DENND10: variants seen among roughly 807,000 people sequenced by gnomAD.
DENND10 encodes the protein DENN domain containing 10, also known as DENN domain-containing protein 10.
A neutral mutation model predicts 43.6 loss-of-function variants in DENND10; 24 were observed. The observed-to-expected ratio is 0.55, with a 90% CI of 0.40 to 0.77. DENND10 has a LOEUF of 0.77. Ranked by LOEUF, DENND10 falls within the 30% of genes least tolerant of loss-of-function variation. The pLI, the probability that DENND10 is intolerant of heterozygous loss-of-function variation, is 0.00. For missense variants in DENND10, 303 were observed against 429.9 expected (o/e 0.70, Z 2.61); for synonymous variants, 125 against 157.6 (o/e 0.79, Z 1.55).
At chr10:119,111,597 G>A (rs185701667) in intron 2 of DENND10, among the ~76,000 whole-genome samples, 10 of 150,712 alleles carry the variant, frequency 6.6e-5, no homozygotes, top group African/African-American at 2.5e-4. Context: ...TTATATTTGA[G>A]TGAAGTATTT....
intron 4 of DENND10, among the ~76,000 whole-genome samples, chr10:119,119,038 A>G (rs1325783835): frequency 1.5e-5 from 2 of 133,054 alleles, no homozygotes; most frequent in Non-Finnish European, 3.1e-5. Flanking sequence ...TTTGAGATGG[A>G]GTTTTGCTCC....
At chr10:119,108,481 C>CAAA (rs371995219) in intron 2 of DENND10, among the ~76,000 whole-genome samples, 1 of 98,962 alleles carries the variant, frequency 1.0e-5, no homozygotes, top group East Asian at 3.0e-4. Flanking sequence ...GACTCCGTCT[C>CAAA]AAAAAAAAAA....
chr10:119,123,570 G>A lies in DENND10; in HGVS notation c.694+1G>A, dbSNP rs145455773. On this transcript the variant is annotated splice_donor_variant, in intron 6 of 8. Transcript: ENST00000361432. LOFTEE classifies it high-confidence loss of function. ...CTGGAAGCCCTGCAGATGTGCACAGGTAGACAAGAGGATCCCAGGGGAGGA... is the reference window on the plus strand; with the variant it reads ...CTGGAAGCCCTGCAGATGTGCACAGATAGACAAGAGGATCCCAGGGGAGGA... 36 of 1,598,576 alleles carry A rather than the reference G, an allele frequency of 2.3e-5. No individual in the cohort carries two copies. Among genetic ancestry groups the A allele is most frequent in the Admixed American group, 3.3e-5 (2 of 59,840 alleles).
At chr10:119,122,610 C>T (rs1414169993) in intron 5 of DENND10, among the ~76,000 whole-genome samples, 2 of 152,158 alleles carry the variant, frequency 1.3e-5, no homozygotes, top group Admixed American at 6.5e-5. Context: ...GCGGTCACAG[C>T]TTCTGAGATA....
intron 7 of DENND10, among the ~76,000 whole-genome samples, chr10:119,131,156 A>G (rs1846068476): frequency 6.6e-6 from 1 of 152,218 alleles, no homozygotes; most frequent in Non-Finnish European, 1.5e-5. Flanking sequence ...ATTCTTAGAC[A>G]TTCTAAATTG....
intron 3 of DENND10, 47 bp downstream of exon 3, chr10:119,111,975 T>G (rs1423400123): frequency 7.4e-7 from 1 of 1,360,266 alleles, no homozygotes; most frequent in South Asian, 1.2e-5. Flanking sequence ...AATGAAGACC[T>G]TAGTATAGTT....
At position 119,120,380 on chromosome 10, in the gene DENND10, A is replaced by T. The variant is rs1467480562; in HGVS notation, c.521A>T (p.His174Leu). 6.2e-7 allele frequency: 1 copy of T among 1,613,152 alleles called. No individual in the cohort carries two copies. The highest frequency in any genetic ancestry group is 1.7e-5 in the Admixed American group (1 of 60,000). ...TTTGGAATGGAAACTGTTATCTTAC[A>T]CACAGCACTGATGCTAAAGAAAAGA... is the stretch of plus-strand genomic sequence containing the variant. ...SQFGMETVIL[H>L]TALMLKKRIV... The change falls in exon 5 of 9, where the codon CAC becomes CTC. Residue 174 changes from histidine to leucine, a missense_variant. Transcript: ENST00000361432.
chr10:119,117,016 A>T (rs1845320445), intron 3 of DENND10, among the ~76,000 whole-genome samples: 1 of 151,994 alleles, frequency 6.6e-6, no homozygotes, highest in Non-Finnish European at 1.5e-5. Flanking sequence ...TTTAGAGAGA[A>T]ATGATGCTAC....
Position 119,117,502 on chromosome 10 carries a change from G to T in DENND10, c.333-17G>T, listed in dbSNP as rs766913112. 6.2e-7 allele frequency: 1 copy of T among 1,609,298 alleles called. No individual in the cohort carries two copies. Among genetic ancestry groups the T allele is most frequent in the Non-Finnish European group, 8.5e-7 (1 of 1,176,750 alleles). The stretch of plus-strand genomic sequence containing the variant: ...TGCCAAATGAAATCACAGTTGCTTT[G>T]TTGTCCTTTCTTACAGAATGTACCT... On this transcript the variant is annotated splice_polypyrimidine_tract_variant and intron_variant, in intron 3 of 8. Transcript: ENST00000361432.
intron 6 of DENND10, among the ~76,000 whole-genome samples, chr10:119,125,888 T>C (rs985828612): frequency 1.3e-5 from 2 of 152,138 alleles, no homozygotes; most frequent in African/African-American, 4.8e-5. Flanking sequence ...TATCAAATAC[T>C]AGGTCTTATT....
intron 2 of DENND10, among the ~76,000 whole-genome samples, chr10:119,110,488 C>A (rs1231131429): frequency 6.6e-6 from 1 of 151,576 alleles, no homozygotes; most frequent in Non-Finnish European, 1.5e-5. Context: ...GACAAAGTCT[C>A]ACTCTGTCGC....
intron 2 of DENND10, among the ~76,000 whole-genome samples, chr10:119,111,228 A>G (rs944119155): frequency 2.0e-5 from 3 of 147,506 alleles, no homozygotes. Context: ...AGATTACACC[A>G]CTGCACTCCA....
chr10:119,134,316 AG>A (rs1698865740), intron 8 of DENND10: 1 of 151,070 alleles, frequency 6.6e-6, no homozygotes, highest in African/African-American at 2.4e-5. Context: ...TGGGGATTAC[AG>A]GCATGAGCCA....
At chr10:119,112,764 G>C (rs1277342569) in intron 3 of DENND10, among the ~76,000 whole-genome samples, 1 of 151,278 alleles carries the variant, frequency 6.6e-6, no homozygotes, top group African/African-American at 2.4e-5. Flanking sequence ...CAAAGTGCTG[G>C]GATTATAGGC....
At chr10:119,104,950 G>C (rs1437622260) in intron 1 of DENND10, 1 of 152,168 alleles carries the variant, frequency 6.6e-6, no homozygotes, top group Non-Finnish European at 1.5e-5. Context: ...TCATGTGATC[G>C]AGCTTGTGCA....
chr10:119,104,249 C>T (rs912682027), intron 1 of DENND10, 52 bp downstream of exon 1: 2 of 1,469,332 alleles, frequency 1.4e-6, no homozygotes, highest in East Asian at 3.0e-5. Context: ...TCTGCCTCTG[C>T]TCCACCTCGG....
intron 6 of DENND10, among the ~76,000 whole-genome samples, chr10:119,124,701 C>T (rs1276731852): frequency 1.3e-5 from 2 of 152,024 alleles, no homozygotes; most frequent in Non-Finnish European, 2.9e-5. Flanking sequence ...CCTTTTTAAC[C>T]ATTGGTAAAC....
chr10:119,118,728 T>A (rs1845413427), intron 4 of DENND10, among the ~76,000 whole-genome samples: 2 of 151,964 alleles, frequency 1.3e-5, no homozygotes, highest in African/African-American at 2.4e-5. Flanking sequence ...TGAAGTGCAG[T>A]GGTACAATTA....
intron 6 of DENND10, among the ~76,000 whole-genome samples, chr10:119,125,150 T>C (rs1050188279): frequency 2.0e-5 from 3 of 151,964 alleles, no homozygotes; most frequent in Non-Finnish European, 4.4e-5. Flanking sequence ...TTTTGTATTT[T>C]TAGTAGAGAC....
Sources: gnomAD v4.1 joint callset for allele counts (sites outside exome capture counted in the v4.1 genomes callset) on GRCh38, gnomAD v4.1.1 for gene constraint, MANE v1.5 for transcripts, NCBI Gene and HGNC (gene_info 2026-07-23, HGNC 2026-07-21) for gene names.